KMT2A: variants seen among roughly 807,000 people sequenced by gnomAD.
KMT2A encodes histone-lysine N-methyltransferase 2A.
A neutral mutation model predicts 345.3 loss-of-function variants in KMT2A; 16 were observed. That is an observed-to-expected ratio of 0.05 (90% CI 0.03 to 0.07). The LOEUF (loss-of-function observed/expected upper bound fraction) is 0.07, where lower values mean the gene tolerates loss of function less well. Among genes scored for constraint, KMT2A ranks in the 10% least tolerant of loss-of-function variants. The pLI, the probability that KMT2A is intolerant of heterozygous loss-of-function variation, is 1.00. For synonymous variants in KMT2A, 1,599 were observed against 1,778.6 expected, an observed-to-expected ratio of 0.90 and a Z score of 2.54; for missense variants, 3,272 against 4,841.6, an observed-to-expected ratio of 0.68 and a Z score of 9.62.
intron 4 of KMT2A, among the ~76,000 whole-genome samples, chr11:118,477,498 CTTT>C (rs11430367): frequency 1.8e-5 from 1 of 56,944 alleles, no homozygotes; most frequent in East Asian, 6.9e-4. Flanking sequence ...AAGTTATTGG[CTTT>C]TTTTTTTTTT....
At chr11:118,477,245 TC>T (rs1950052959) in intron 4 of KMT2A, among the ~76,000 whole-genome samples, 2 of 152,106 alleles carry the variant, frequency 1.3e-5, no homozygotes, top group Admixed American at 1.3e-4. Flanking sequence ...GGCAGAATCT[TC>T]CTAGACTGCT....
Position 118,436,563 on chromosome 11 carries a change from G to GGGC in KMT2A, c.63_65dup (p.Gly23dup). 3 of 1,203,380 alleles carry GGGC rather than the reference G, an allele frequency of 2.5e-6. No homozygotes were observed. The highest frequency in any genetic ancestry group is 3.1e-6 in the Non-Finnish European group (3 of 957,354). The allele number at this position is 1,203,380 out of a possible 1,614,324, so 74.5% of individuals were successfully genotyped here. A position where few individuals can be genotyped will look rare whatever the true frequency, so the allele number is the denominator to read the frequency against. ...TCCCCGCCCGACCCGGGACCACCGG[G>GGGC]GGCGGCGGCGGCGGGGGGCGCCGGG... On this transcript the variant is annotated inframe_insertion, in exon 1 of 36. Coordinates refer to ENST00000534358, the MANE Select transcript of KMT2A (RefSeq NM_001197104.2). The surrounding 1 kb of genome is among the most constrained non-coding windows in gnomAD (Gnocchi z 6.9).
Position 118,499,395 on chromosome 11 carries a change from A to T in KMT2A, c.6054A>T (p.Glu2018Asp). 6.2e-7 allele frequency: 1 copy of T among 1,600,262 alleles called. No individual in the cohort carries two copies. Among genetic ancestry groups the T allele is most frequent in the African/African-American group, 1.4e-5 (1 of 69,706 alleles). Residue 2018 changes from glutamate to aspartate, a missense_variant, in exon 23 of 36, where the codon GAA becomes GAT. Transcript: ENST00000534358. ...SLRRKFLNGLEPENIHMMIGS... is the reference protein window; with the variant it reads ...SLRRKFLNGLDPENIHMMIGS... ...GAAGGAAGTTTCTCAATGGCTTGGAACCAGAAAATATCCACATGATGATTG... is the reference window on the plus strand; with the variant it reads ...GAAGGAAGTTTCTCAATGGCTTGGATCCAGAAAATATCCACATGATGATTG...
intron 22 of KMT2A, among the ~76,000 whole-genome samples, chr11:118,499,074 A>G (rs1289464708): frequency 2.0e-5 from 3 of 152,208 alleles, no homozygotes; most frequent in African/African-American, 7.2e-5. Context: ...AATTATTTCG[A>G]AATGCAAAAG....
At chr11:118,507,832 G>A (rs1446697227) in intron 28 of KMT2A, 7 of 430,048 alleles carry the variant, frequency 1.6e-5, no homozygotes, top group South Asian at 4.6e-5. Flanking sequence ...GCGTGATGGC[G>A]GGCGCCTGTA....
chr11:118,508,590 C>T (rs1360291324), intron 28 of KMT2A, among the ~76,000 whole-genome samples: 2 of 151,904 alleles, frequency 1.3e-5, no homozygotes, highest in Non-Finnish European at 2.9e-5. Context: ...TAAAAGTTAA[C>T]CAGGCATGGT....
chr11:118,471,685 C>G lies in KMT2A; in HGVS notation c.526C>G (p.Arg176Gly). 6.3e-7 allele frequency: 1 copy of G among 1,590,664 alleles called. No individual in the cohort carries two copies. The highest frequency in any genetic ancestry group is 8.5e-7 in the Non-Finnish European group (1 of 1,173,612). ...PSVKTSPRKPRGRPRSGSDRN... is the reference protein window; with the variant it reads ...PSVKTSPRKPGGRPRSGSDRN... ...AGTTAAAACTAGTCCTCGAAAACCT[C>G]GTGGGAGACCTAGAAGTGGCTCTGA... Residue 176 changes from arginine (R) to glycine (G), a missense_variant, in exon 3 of 36, where the codon CGT (arginine) becomes GGT (glycine). By Grantham distance (125) the Arg-to-Gly change is moderately radical. Transcript: ENST00000534358.
At chr11:118,438,936 G>T in intron 1 of KMT2A, 1 of 424,012 alleles carries the variant, frequency 2.4e-6, no homozygotes, top group Non-Finnish European at 4.8e-6. Context: ...TCAGAAGGCA[G>T]CTGCAGTCAG....
Position 118,496,066 on chromosome 11 carries a change from C to T in KMT2A, c.5557+173C>T, listed in dbSNP as rs940958357. On this transcript the variant is annotated intron_variant, in intron 19 of 35. Transcript: ENST00000534358. This position sits in a 1 kb window ranked among gnomAD's most constrained non-coding sequence, Gnocchi z 4.7. ...GCTTCACTTGAGGTGTTAATGAGGA[C>T]TTGATATAAATACTCTGGAGTATTG... 6.6e-6 allele frequency among the ~76,000 whole-genome samples: 1 copy of T among 152,140 alleles called. No homozygotes were observed. Among genetic ancestry groups the T allele is most frequent in the East Asian group, 1.9e-4 (1 of 5,208 alleles).
intron 1 of KMT2A, among the ~76,000 whole-genome samples, chr11:118,459,880 T>G (rs1591362132): frequency 6.7e-6 from 1 of 149,870 alleles, no homozygotes; most frequent in Admixed American, 6.8e-5. Flanking sequence ...AGAGACAGGG[T>G]TTCACCATGT....
At position 118,472,664 on chromosome 11, in the gene KMT2A, A is replaced by C; in HGVS notation, c.1505A>C (p.Glu502Ala). ...GAGGAGATTCAGGTACTTCCTGAGG[A>C]GCGGAGCGATACCCCTGAAGTTCAT... is the stretch of plus-strand genomic sequence containing the variant. ...ASEEIQVLPE[E>A]RSDTPEVHPP... The change falls in exon 3 of 36, where the codon GAG becomes GCG. Residue 502 changes from glutamate to alanine, a missense_variant. Glu to Ala is a moderately radical substitution (Grantham distance 107). This residue lies in a region of KMT2A where 180 missense variants were observed against 190.7 expected (regional missense o/e 0.94). Transcript: ENST00000534358. The C allele has an allele frequency of 6.2e-7, 1 of 1,613,008 alleles. No homozygotes were observed. The highest frequency in any genetic ancestry group is 1.1e-5 in the South Asian group (1 of 90,996).
chr11:118,480,180 A>G lies in KMT2A; in HGVS notation c.3576A>G (p.Arg1192=), dbSNP rs1555038817. The part of the protein sequence containing the change: ...RNIKKQCCKM[R]KCQNLQWMPS... ...TTATTCGTTGTTTTCCTAGGATGAG[A>G]AAATGTCAGAATCTACAATGGATGC... The change falls in exon 6 of 36, where the codon AGA becomes AGG. Residue 1192 remains arginine (R), a synonymous_variant. Transcript: ENST00000534358. 8.1e-6 allele frequency: 13 copies of G among 1,612,652 alleles called. No individual in the cohort carries two copies. The South Asian group carries it at 1.4e-4, about 18-fold the overall frequency.
At position 118,505,854 on chromosome 11, in the gene KMT2A, C is replaced by T. The variant is rs537250793; in HGVS notation, c.9962C>T (p.Thr3321Ile). The change falls in exon 27 of 36, where the codon ACA becomes ATA. Residue 3321 changes from threonine to isoleucine, a missense_variant. Thr to Ile is a moderately conservative substitution (Grantham distance 89). This residue lies in a region of KMT2A where 748 missense variants were observed against 922.2 expected (regional missense o/e 0.81). Coordinates refer to ENST00000534358, the MANE Select transcript of KMT2A (RefSeq NM_001197104.2). This position sits in a 1 kb window ranked among gnomAD's most constrained non-coding sequence, Gnocchi z 4.6. ...GTAATAAGTS[T>I]ISQDTSHLTS... ...GCTGCCACAGCGGCAGGCACATCAA[C>T]AATAAGCCAGGATACTAGCCACCTC... The T allele has an allele frequency of 8.3e-5, 134 of 1,614,170 alleles. No individual in the cohort carries two copies. In the South Asian group the frequency reaches 1.4e-3, roughly 17 times the overall value.
Position 118,525,635 on chromosome 11 carries a change from A to AAC in KMT2A, c.*3473_*3474dup. ...TAAAAAAAAAAGGAAAAAAAAATAC[A>AAC]ACACACACACAAAAATAAAAAAAAT... is the stretch of plus-strand genomic sequence containing the variant. On this transcript the variant is annotated 3_prime_UTR_variant, in exon 36 of 36. Coordinates refer to ENST00000534358, the MANE Select transcript of KMT2A (RefSeq NM_001197104.2). The AAC allele has an allele frequency of 4.4e-6, 1 of 228,928 alleles. No homozygotes were observed. Among genetic ancestry groups the AAC allele is most frequent in the Non-Finnish European group, 8.7e-6 (1 of 115,448 alleles). The allele number at this position is 228,928 out of a possible 1,614,324, so 14.2% of individuals were successfully genotyped here. A position where few individuals can be genotyped will look rare whatever the true frequency, so the allele number is the denominator to read the frequency against.
rs1397008281 is a variant in KMT2A, at chr11:118,496,933, A to G, written c.5664+566A>G. On this transcript the variant is annotated intron_variant, in intron 20 of 35. Coordinates refer to ENST00000534358, the MANE Select transcript of KMT2A (RefSeq NM_001197104.2). This position sits in a 1 kb window ranked among gnomAD's most constrained non-coding sequence, Gnocchi z 4.7. ...AGCCTCTATTTGGTGCCTGGCACAC[A>G]CAGTAAGCTACAATTTTTTTAAAAG... 6.6e-6 allele frequency among the ~76,000 whole-genome samples: 1 copy of G among 152,194 alleles called. No homozygotes were observed. Among genetic ancestry groups the G allele is most frequent in the Admixed American group, 6.5e-5 (1 of 15,274 alleles).
Position 118,523,991 on chromosome 11 carries a change from CCA to C in KMT2A, c.*1820_*1821del, listed in dbSNP as rs1349694857. 1 of 203,388 alleles carries C rather than the reference CCA, an allele frequency of 4.9e-6. No individual in the cohort carries two copies. Among genetic ancestry groups the C allele is most frequent in the African/African-American group, 2.3e-5 (1 of 43,638 alleles). The allele number at this position is 203,388 out of a possible 1,614,324, so 12.6% of individuals were successfully genotyped here. On this transcript the variant is annotated 3_prime_UTR_variant, in exon 36 of 36. Transcript: ENST00000534358. ...GCCTCTCTCCTTTCCGGCGCAACTTCCAGAGTGGTGGGAGACGGCAATCTTTA... is the reference window on the plus strand; with the variant it reads ...GCCTCTCTCCTTTCCGGCGCAACTTCGAGTGGTGGGAGACGGCAATCTTTA...
Position 118,476,629 on chromosome 11 carries a change from A to G in KMT2A, c.3157-176A>G, listed in dbSNP as rs1394559669. ...TTAGAGGCCTTTTTTTGTGCTGCCA[A>G]TTAGGATACAGTAATAGTTGATTTC... On this transcript the variant is annotated intron_variant, in intron 3 of 35. Transcript: ENST00000534358. This position sits in a 1 kb window ranked among gnomAD's most constrained non-coding sequence, Gnocchi z 4.1. Among the ~76,000 whole-genome samples the G allele has an allele frequency of 1.3e-5, 2 of 152,162 alleles. No individual in the cohort carries two copies. The highest frequency in any genetic ancestry group is 4.8e-5 in the African/African-American group (2 of 41,414).
intron 1 of KMT2A, among the ~76,000 whole-genome samples, chr11:118,439,887 A>C (rs1555139719): frequency 6.6e-6 from 1 of 151,452 alleles, no homozygotes; most frequent in African/African-American, 2.4e-5. Flanking sequence ...AGTAGTGGTA[A>C]ACCTCTGAGC....
At chr11:118,474,714 T>G (rs1950002793) in intron 3 of KMT2A, among the ~76,000 whole-genome samples, 2 of 152,172 alleles carry the variant, frequency 1.3e-5, no homozygotes, top group African/African-American at 4.8e-5. Context: ...AAAGGTACAT[T>G]TTAATAGTCA....
Sources: allele counts gnomAD v4.1 joint callset (sites outside exome capture counted in the v4.1 genomes callset), GRCh38; gene constraint gnomAD v4.1.1; regional missense constraint gnomAD v4.1.1; non-coding constraint Gnocchi (gnomAD v3.1); transcripts MANE v1.5; gene names NCBI Gene and HGNC (gene_info 2026-07-23, HGNC 2026-07-21).